Variants in TJP3 observed in about 807,000 individuals in gnomAD.
TJP3 encodes the protein tight junction protein ZO-3.
In TJP3, 85 loss-of-function variants were observed where a neutral mutation model predicts 104.2. The observed-to-expected ratio is 0.82, with a 90% CI of 0.68 to 0.98. The LOEUF (loss-of-function observed/expected upper bound fraction) is 0.98, where lower values mean the gene tolerates loss of function less well. TJP3 is among the 50% of genes least tolerant of loss of function. The probability of loss-of-function intolerance (pLI) is 0.00; values close to 1 mark genes in which losing one functional copy is unlikely to be tolerated. For missense variants in TJP3, 1,367 were observed against 1,322.8 expected (o/e 1.03, Z -0.52); for synonymous variants, 550 against 550.6 (o/e 1.00, Z 0.02).
chr19:3,724,355 C>T (rs1390694012), intron 1 of TJP3, among the ~76,000 whole-genome samples: 1 of 152,108 alleles, frequency 6.6e-6, no homozygotes, highest in African/African-American at 2.4e-5. Flanking sequence ...GCCACCACGC[C>T]CTGCTAATTT....
Position 3,730,834 on chromosome 19 carries a change from C to T in TJP3, c.613+128C>T. 1 of 973,270 alleles carries T rather than the reference C, an allele frequency of 1.0e-6. No individual in the cohort carries two copies. The highest frequency in any genetic ancestry group is 1.5e-6 in the Non-Finnish European group (1 of 679,414). The allele number at this position is 973,270 out of a possible 1,614,324, so 60.3% of individuals were successfully genotyped here. A position where few individuals can be genotyped will look rare whatever the true frequency, so the allele number is the denominator to read the frequency against. ...TGGCTGGGACTCCAGGCGCCCGCCA[C>T]CATGCCTGGCTAATTTTTGTACTTT... is the stretch of plus-strand genomic sequence containing the variant. On this transcript the variant is annotated intron_variant, in intron 5 of 20. Coordinates refer to ENST00000541714, the MANE Select transcript of TJP3 (RefSeq NM_001267560.2). The surrounding 1 kb of genome is among the most constrained non-coding windows in gnomAD (Gnocchi z 7.3).
At chr19:3,749,016 G>T (rs1027657203) in intron 19 of TJP3, among the ~76,000 whole-genome samples, 1 of 151,214 alleles carries the variant, frequency 6.6e-6, no homozygotes, top group Non-Finnish European at 1.5e-5. Flanking sequence ...GCACCACCAT[G>T]CCCAGCTAAT....
intron 1 of TJP3, among the ~76,000 whole-genome samples, chr19:3,709,315 C>T (rs1011427927): frequency 5.9e-5 from 9 of 152,044 alleles, no homozygotes; most frequent in East Asian, 3.9e-4. Context: ...AGGCTGGTCT[C>T]GAACTCCTGA....
At chr19:3,728,258 A>G (rs1460026344) in intron 1 of TJP3, 166 bp from the exon 2 acceptor site, 9 of 1,161,700 alleles carry the variant, frequency 7.7e-6, no homozygotes, top group Non-Finnish European at 1.1e-5. Flanking sequence ...AAACAAAACA[A>G]AAAAACAAAC....
chr19:3,726,036 G>A (rs779269361), intron 1 of TJP3, among the ~76,000 whole-genome samples: 17 of 152,074 alleles, frequency 1.1e-4, no homozygotes, highest in Admixed American at 6.5e-5. Flanking sequence ...CGCTAGAGAC[G>A]CTGGAGCTTA....
chr19:3,732,115 C>A, intron 6 of TJP3, 77 bp downstream of exon 6: 2 of 1,218,490 alleles, frequency 1.6e-6, no homozygotes, highest in Non-Finnish European at 2.3e-6. Context: ...AGTCATACAG[C>A]AAGGACAGCA....
chr19:3,741,111 T>C (rs373665088), intron 14 of TJP3, among the ~76,000 whole-genome samples: 9 of 152,114 alleles, frequency 5.9e-5, no homozygotes, highest in Admixed American at 3.9e-4. Context: ...AGCGATTCTC[T>C]TGCCTCAGCC....
chr19:3,738,919 C>T lies in TJP3; in HGVS notation c.1416C>T (p.Ser472=), dbSNP rs781768672. 74 of 1,606,902 alleles carry T rather than the reference C, an allele frequency of 4.6e-5. No individual in the cohort carries two copies. The highest frequency in any genetic ancestry group is 6.0e-5 in the Non-Finnish European group (70 of 1,175,694). The change falls in exon 13 of 21, where the codon TCC becomes TCT. Residue 472 remains serine, a synonymous_variant. Coordinates refer to ENST00000541714, the MANE Select transcript of TJP3 (RefSeq NM_001267560.2). ...CAGTTTTCTGGAAAATGGTGCAGTC[C>T]CGCGTGGGTGACTCCTTCTACATCC... ...KQDIFWKMVQ[S]RVGDSFYIRT...
chr19:3,728,870 T>C (rs897091405), intron 3 of TJP3, among the ~76,000 whole-genome samples, 157 bp downstream of exon 3: 4 of 152,104 alleles, frequency 2.6e-5, no homozygotes, highest in Non-Finnish European at 5.9e-5. Context: ...CTGGCCAACA[T>C]GGTGAAACCC....
At chr19:3,719,825 G>T (rs1051143575) in intron 1 of TJP3, among the ~76,000 whole-genome samples, 1 of 151,948 alleles carries the variant, frequency 6.6e-6, no homozygotes, top group Non-Finnish European at 1.5e-5. Context: ...TTCTTGCTTC[G>T]GTCGGAAGTC....
chr19:3,746,901 G>T lies in TJP3; in HGVS notation c.2322+25G>T. The stretch of plus-strand genomic sequence containing the variant: ...GGTACTGCCGCGGTGTGGGTGGGTC[G>T]GGCAGGGAGGCCCCACAGACGCTGT... On this transcript the variant is annotated intron_variant, in intron 18 of 20. Transcript: ENST00000541714. This position sits in a 1 kb window ranked among gnomAD's most constrained non-coding sequence, Gnocchi z 4.1. 1 of 1,504,470 alleles carries T rather than the reference G, an allele frequency of 6.6e-7. No individual in the cohort carries two copies. The highest frequency in any genetic ancestry group is 1.2e-5 in the South Asian group (1 of 84,880). 93.2% of individuals were successfully genotyped at this position (1,504,470 alleles called of 1,614,324 possible). A position where few individuals can be genotyped will look rare whatever the true frequency, so the allele number is the denominator to read the frequency against.
intron 11 of TJP3, 33 bp downstream of exon 11, chr19:3,736,354 TC>T: frequency 9.3e-6 from 14 of 1,501,380 alleles, no homozygotes; most frequent in Non-Finnish European, 1.2e-5. Context: ...GCCCCACTGA[TC>T]ATGGGCGTGC....
Position 3,750,155 on chromosome 19 carries a change from C to T in TJP3, c.2628C>T (p.Pro876=). ...CCTCCAAGGTGGACAGCCGCCACCC[C>T]CAGGGACAGTGGCGACAGGACAGCA... ...HQGAQVDSRH[P]QGQWRQDSMR... The change falls in exon 20 of 21, where the codon CCC becomes CCT. Residue 876 remains proline (P), a synonymous_variant. Coordinates refer to ENST00000541714, the MANE Select transcript of TJP3 (RefSeq NM_001267560.2). The T allele has an allele frequency of 3.1e-6, 5 of 1,614,094 alleles. No individual in the cohort carries two copies. Among genetic ancestry groups the T allele is most frequent in the Non-Finnish European group, 4.2e-6 (5 of 1,180,014 alleles).
chr19:3,715,190 C>A (rs934725004), intron 1 of TJP3, among the ~76,000 whole-genome samples: 3 of 151,238 alleles, frequency 2.0e-5, no homozygotes, highest in Admixed American at 6.6e-5. Flanking sequence ...CCCGGGTTCA[C>A]GCCATTCTCC....
intron 6 of TJP3, among the ~76,000 whole-genome samples, chr19:3,733,002 T>C (rs2036691484): frequency 6.8e-6 from 1 of 147,498 alleles, no homozygotes. Flanking sequence ...ATGACTGTTT[T>C]CTTTTCTCTT....
chr19:3,722,862 G>GA (rs977224996), intron 1 of TJP3, among the ~76,000 whole-genome samples: 1 of 127,888 alleles, frequency 7.8e-6, no homozygotes, highest in Non-Finnish European at 1.6e-5. Flanking sequence ...GTGGCGGGGG[G>GA]GGGGGGCACA....
At position 3,719,478 on chromosome 19, in the gene TJP3, A is replaced by G. The variant is rs1360305050; in HGVS notation, c.-9-8946A>G. Among the ~76,000 whole-genome samples the G allele has an allele frequency of 4.6e-5, 7 of 151,796 alleles. No homozygotes were observed. The East Asian group carries it at 1.4e-3, about 30-fold the overall frequency. On this transcript the variant is annotated intron_variant, in intron 1 of 20. Transcript: ENST00000541714. ...TGGCTGGGAGTAGTGGCTCATGCCC[A>G]TAATCCTAACATTTTGGGTGGCCGA...
intron 20 of TJP3, 23 bp downstream of exon 20, chr19:3,750,207 T>TGGG (rs10692689): frequency 2.0e-4 from 318 of 1,613,550 alleles, no homozygotes; most frequent in African/African-American, 5.1e-4. Context: ...TATTCCAGAT[T>TGGG]GGGGCCCTCA....
chr19:3,745,452 G>A (rs1010380361), intron 15 of TJP3, among the ~76,000 whole-genome samples: 3 of 151,980 alleles, frequency 2.0e-5, no homozygotes, highest in Non-Finnish European at 1.5e-5. Context: ...CCAATTTTAC[G>A]TTTTTAACCA....
Sources: allele counts gnomAD v4.1 joint callset (sites outside exome capture counted in the v4.1 genomes callset), GRCh38; gene constraint gnomAD v4.1.1; non-coding constraint Gnocchi (gnomAD v3.1); transcripts MANE v1.5; gene names NCBI Gene and HGNC (gene_info 2026-07-23, HGNC 2026-07-21).